The following PEAR1 variants were observed in gnomAD, a reference collection of about 807,000 sequenced individuals.
PEAR1 encodes the protein platelet endothelial aggregation receptor 1.
PEAR1 carries 113 observed loss-of-function variants against 131.2 expected under a neutral mutation model. That is an observed-to-expected ratio of 0.86 (90% CI 0.74 to 1.01). The LOEUF (loss-of-function observed/expected upper bound fraction) is 1.01, where lower values mean the gene tolerates loss of function less well. Among genes scored for constraint, PEAR1 ranks in the 50% least tolerant of loss-of-function variants. PEAR1 has a pLI of 0.00. For missense variants in PEAR1, 1,408 were observed against 1,391.1 expected, an observed-to-expected ratio of 1.01 and a Z score of -0.19; for synonymous variants, 565 against 523.3, an observed-to-expected ratio of 1.08 and a Z score of -1.09.
rs752224242 is a variant in PEAR1 at position 156,912,585 on chromosome 1, A to T, written c.2172A>T (p.Val724=). Residue 724 remains valine, a synonymous_variant, in exon 17 of 23, where the codon GTA becomes GTT. Transcript: ENST00000292357. ...GCCACCCAGAGACTGGGGCCTGTGTATGTCCCCCAGGGCACAGTGGTGCAC... is the reference window on the plus strand; with the variant it reads ...GCCACCCAGAGACTGGGGCCTGTGTTTGTCCCCCAGGGCACAGTGGTGCAC... ...EKCHPETGAC[V]CPPGHSGAPC... 3.7e-6 allele frequency: 6 copies of T among 1,613,950 alleles called. No homozygotes were observed. In the Admixed American group the frequency reaches 1.0e-4, roughly 27 times the overall value.
At chr1:156,911,513 ACCTCAGGTGATCCATCCG>A (rs750293917) in intron 15 of PEAR1, among the ~76,000 whole-genome samples, 3 of 151,426 alleles carry the variant, frequency 2.0e-5, no homozygotes, top group Non-Finnish European at 4.4e-5. Flanking sequence ...CGAACTCCTG[ACCTCAGGTGATCCATCCG>A]CCTCAGGTGA....
At chr1:156,911,506 A>G in intron 15 of PEAR1, among the ~76,000 whole-genome samples, 1 of 149,676 alleles carries the variant, frequency 6.7e-6, no homozygotes, top group East Asian at 1.9e-4. Flanking sequence ...CTGGTCTCGA[A>G]CTCCTGACCT....
chr1:156,908,202 G>T lies in PEAR1; in HGVS notation c.977G>T (p.Arg326Leu), dbSNP rs781642530. Residue 326 changes from arginine to leucine, a missense_variant, in exon 9 of 23, where the codon CGT (arginine) becomes CTT (leucine). By Grantham distance (102) the Arg-to-Leu change is moderately radical (BLOSUM62 -2). Transcript: ENST00000292357. The surrounding 1 kb of genome is among the most constrained non-coding windows in gnomAD (Gnocchi z 4.2). ...ACGTGCGACTGCGCCCCGGACGCCCGTTGCTTCCCGGCCAACGGCGCATGT... is the reference window on the plus strand; with the variant it reads ...ACGTGCGACTGCGCCCCGGACGCCCTTTGCTTCCCGGCCAACGGCGCATGT... The part of the protein sequence containing the change: ...AETCDCAPDA[R>L]CFPANGACLC... The T allele has an allele frequency of 2.6e-5, 41 of 1,602,888 alleles. No homozygotes were observed. Among genetic ancestry groups the T allele is most frequent in the Admixed American group, 3.3e-5 (2 of 59,722 alleles).
Position 156,908,234 on chromosome 1 carries a change from G to A in PEAR1, c.1009G>A (p.Glu337Lys), listed in dbSNP as rs1384810854. The stretch of plus-strand genomic sequence containing the variant: ...CCCGGCCAACGGCGCATGTCTGTGC[G>A]AACACGGCTTCACTGGGGACCGCTG... ...CFPANGACLC[E>K]HGFTGDRCTD... The change falls in exon 9 of 23, where the codon GAA becomes AAA. Residue 337 changes from glutamate to lysine, a missense_variant. Glu to Lys is a moderately conservative substitution (Grantham distance 56). Coordinates refer to ENST00000292357, the MANE Select transcript of PEAR1 (RefSeq NM_001080471.3). This position sits in a 1 kb window ranked among gnomAD's most constrained non-coding sequence, Gnocchi z 4.2. 1 of 1,600,878 alleles carries A rather than the reference G, an allele frequency of 6.2e-7. No individual in the cohort carries two copies. The highest frequency in any genetic ancestry group is 8.5e-7 in the Non-Finnish European group (1 of 1,177,850).
In PEAR1 at chr1:156,914,580, G is replaced by A. The variant is rs75034235; in HGVS notation, c.2963-67G>A. 1,531 of 1,485,578 alleles carry A rather than the reference G, an allele frequency of 1.0e-3. 16 individuals carry two copies. In the African/African-American group the frequency reaches 0.019, roughly 19 times the overall value. 92.0% of individuals were successfully genotyped at this position (1,485,578 alleles called of 1,614,324 possible). On this transcript the variant is annotated intron_variant, in intron 22 of 22. Coordinates refer to ENST00000292357, the MANE Select transcript of PEAR1 (RefSeq NM_001080471.3). ...GGCTGAAGAGGAGAGGAGTGCAGTGGGAGTGGAGGGAGTGGGGAGAGTGGT... is the reference window on the plus strand; with the variant it reads ...GGCTGAAGAGGAGAGGAGTGCAGTGAGAGTGGAGGGAGTGGGGAGAGTGGT...
intron 2 of PEAR1, 124 bp from the exon 3 acceptor site, chr1:156,904,624 G>C: frequency 1.0e-6 from 1 of 978,346 alleles, no homozygotes; most frequent in Non-Finnish European, 1.5e-6. Flanking sequence ...CCTAGGCTAC[G>C]AGAGCAGCCC....
Position 156,907,680 on chromosome 1 carries a change from G to C in PEAR1, c.715G>C (p.Gly239Arg). Residue 239 changes from glycine (G) to arginine (R), a missense_variant, in exon 7 of 23, where the codon GGT becomes CGT. Coordinates refer to ENST00000292357, the MANE Select transcript of PEAR1 (RefSeq NM_001080471.3). ...CAGCACCCATTCTTGCCAAAATGGA[G>C]GTGTCTTCCAAACCCCACAGGGCTC... ...CPSTHSCQNG[G>R]VFQTPQGSCS... 1 of 1,613,988 alleles carries C rather than the reference G, an allele frequency of 6.2e-7. No homozygotes were observed. Among genetic ancestry groups the C allele is most frequent in the South Asian group, 1.1e-5 (1 of 91,060 alleles).
chr1:156,910,770 A>G, intron 15 of PEAR1, 27 bp downstream of exon 15: 5 of 1,613,190 alleles, frequency 3.1e-6, no homozygotes, highest in Non-Finnish European at 3.4e-6. Flanking sequence ...GTGTCTGAGC[A>G]TACGTGCATG....
At position 156,904,822 on chromosome 1, in the gene PEAR1, G is replaced by A. The variant is rs758800787; in HGVS notation, c.176G>A (p.Trp59Ter). Reference protein sequence around the residue: ...LLPSEPCERPWEGPHTCPQPT... With the variant: ...LLPSEPCERP Reference sequence around the variant, plus strand: ...CCCTCAGAGCCCTGCGAGCGGCCCTGGGAGGGCCCCCATACTTGCCCCCAG... The same window carrying A: ...CCCTCAGAGCCCTGCGAGCGGCCCTAGGAGGGCCCCCATACTTGCCCCCAG... Residue 59 changes from tryptophan to a stop codon, truncating the protein, a stop_gained, in exon 3 of 23, where the codon TGG becomes TAG. Coordinates refer to ENST00000292357, the MANE Select transcript of PEAR1 (RefSeq NM_001080471.3). LOFTEE classifies it high-confidence loss of function. The A allele has an allele frequency of 3.1e-6, 5 of 1,613,882 alleles. No homozygotes were observed. Among genetic ancestry groups the A allele is most frequent in the East Asian group, 2.2e-5 (1 of 44,860 alleles).
chr1:156,913,861 C>G lies in PEAR1; in HGVS notation c.2723C>G (p.Ser908Cys), dbSNP rs1367141853. 2 of 1,613,316 alleles carry G rather than the reference C, an allele frequency of 1.2e-6. No individual in the cohort carries two copies. Among genetic ancestry groups the G allele is most frequent in the East Asian group, 2.2e-5 (1 of 44,876 alleles). ...PGPFYNKGLI[S>C]EEELGASVAS... ...TTTCCTCTATCCTTAGGGCTCATCT[C>G]TGAAGAGGAGCTCGGGGCCAGTGTG... The change falls in exon 22 of 23, where the codon TCT (serine) becomes TGT (cysteine). Residue 908 changes from serine to cysteine, a missense_variant. By Grantham distance (112) the Ser-to-Cys change is moderately radical. Transcript: ENST00000292357.
chr1:156,910,483 C>A (rs1288722633), intron 14 of PEAR1, 103 bp downstream of exon 14: 2 of 1,546,714 alleles, frequency 1.3e-6, no homozygotes, highest in Admixed American at 3.6e-5. Context: ...ACCTCTCCCA[C>A]CTTACCCCCG....
intron 1 of PEAR1, among the ~76,000 whole-genome samples, chr1:156,898,418 T>A (rs1366482435): frequency 6.6e-6 from 1 of 152,196 alleles, no homozygotes; most frequent in Non-Finnish European, 1.5e-5. Flanking sequence ...AGGCTTCCTG[T>A]TTCTCCATCC....
At position 156,908,618 on chromosome 1, in the gene PEAR1, A is replaced by G; in HGVS notation, c.1116-37A>G. ...TCGGGAAGCTGCCCTGCCCCTGCCC[A>G]GCTCAGACCGCGCCACGCCCCCGCC... On this transcript the variant is annotated intron_variant, in intron 9 of 22. Coordinates refer to ENST00000292357, the MANE Select transcript of PEAR1 (RefSeq NM_001080471.3). This position sits in a 1 kb window ranked among gnomAD's most constrained non-coding sequence, Gnocchi z 4.2. 2 of 1,485,496 alleles carry G rather than the reference A, an allele frequency of 1.3e-6. No individual in the cohort carries two copies. The highest frequency in any genetic ancestry group is 1.8e-6 in the Non-Finnish European group (2 of 1,119,552). The allele number at this position is 1,485,496 out of a possible 1,614,324, so 92.0% of individuals were successfully genotyped here.
At chr1:156,897,989 C>G (rs1294730227) in intron 1 of PEAR1, among the ~76,000 whole-genome samples, 2 of 152,120 alleles carry the variant, frequency 1.3e-5, no homozygotes, top group Admixed American at 6.5e-5. Context: ...TGGCGATGAG[C>G]AGGGTGGGCC....
Position 156,910,615 on chromosome 1 carries a change from C to G in PEAR1, c.1826-3C>G, listed in dbSNP as rs1191142306. The G allele has an allele frequency of 6.2e-7, 1 of 1,613,942 alleles. No individual in the cohort carries two copies. The highest frequency in any genetic ancestry group is 1.3e-5 in the African/African-American group (1 of 75,058). Reference sequence around the variant, plus strand: ...CCAATCACCATGTACCCCTTTCCCCCAGCCTGTCAGCCTGGCCGCTATGGC... The same window carrying G: ...CCAATCACCATGTACCCCTTTCCCCGAGCCTGTCAGCCTGGCCGCTATGGC... On this transcript the variant is annotated splice_region_variant and splice_polypyrimidine_tract_variant and intron_variant, in intron 14 of 22. Transcript: ENST00000292357.
chr1:156,905,809 T>C (rs994819862), intron 4 of PEAR1, among the ~76,000 whole-genome samples: 1 of 152,122 alleles, frequency 6.6e-6, no homozygotes, highest in Admixed American at 6.5e-5. Flanking sequence ...GACTCTCTGT[T>C]GCTATTGGTC....
Position 156,915,995 on chromosome 1 carries a change from T to C in PEAR1, c.*1197T>C, listed in dbSNP as rs1651829093. On this transcript the variant is annotated 3_prime_UTR_variant, in exon 23 of 23. Coordinates refer to ENST00000292357, the MANE Select transcript of PEAR1 (RefSeq NM_001080471.3). ...AGGGTAACAACGCAGAGCTCAGGTG[T>C]GGGAAGGTGCCAGGGGCAGGGGTGC... is the stretch of plus-strand genomic sequence containing the variant. 1 of 151,700 alleles carries C rather than the reference T, an allele frequency of 6.6e-6. No homozygotes were observed. Among genetic ancestry groups the C allele is most frequent in the African/African-American group, 2.4e-5 (1 of 41,202 alleles). 9.4% of individuals were successfully genotyped at this position (151,700 alleles called of 1,614,324 possible).
chr1:156,901,376 G>A (rs1186639775), intron 1 of PEAR1, among the ~76,000 whole-genome samples: 1 of 152,236 alleles, frequency 6.6e-6, no homozygotes, highest in African/African-American at 2.4e-5. Flanking sequence ...CTGGGAGGAG[G>A]TGACAGGGAC....
chr1:156,898,030 C>G (rs932237730), intron 1 of PEAR1, among the ~76,000 whole-genome samples: 2 of 152,108 alleles, frequency 1.3e-5, no homozygotes, highest in Non-Finnish European at 2.9e-5. Flanking sequence ...GTCTATGTCA[C>G]CCAGGGTTTA....
Sources: allele counts gnomAD v4.1 joint callset (sites outside exome capture counted in the v4.1 genomes callset), GRCh38; gene constraint gnomAD v4.1.1; non-coding constraint Gnocchi (gnomAD v3.1); transcripts MANE v1.5; gene names NCBI Gene and HGNC (gene_info 2026-07-23, HGNC 2026-07-21).